RBM33: variants seen among roughly 807,000 people sequenced by gnomAD.
RBM33 encodes RNA binding motif protein 33.
A neutral mutation model predicts 132.6 loss-of-function variants in RBM33; 28 were observed. The observed-to-expected ratio is 0.21, with a 90% confidence interval of 0.16 to 0.29. The LOEUF is 0.29. RBM33 is among the 10% of genes least tolerant of loss of function. The pLI, the probability that RBM33 is intolerant of heterozygous loss-of-function variation, is 1.00. For missense variants in RBM33, 1,291 were observed against 1,518.5 expected, an observed-to-expected ratio of 0.85 and a Z score of 2.49; for synonymous variants, 634 against 593.0, an observed-to-expected ratio of 1.07 and a Z score of -1.01.
At chr7:155,670,442 C>T (rs1415465553) in intron 2 of RBM33, among the ~76,000 whole-genome samples, 1 of 152,112 alleles carries the variant, frequency 6.6e-6, no homozygotes, top group Non-Finnish European at 1.5e-5. Context: ...TAAATTTATT[C>T]CTTATGTGTA....
chr7:155,661,002 TCTA>T (rs1393896439), intron 1 of RBM33, among the ~76,000 whole-genome samples: 2 of 152,012 alleles, frequency 1.3e-5, no homozygotes, highest in South Asian at 2.1e-4. Flanking sequence ...CTAGTTCACA[TCTA>T]CTACTGAGCC....
intron 3 of RBM33, among the ~76,000 whole-genome samples, chr7:155,678,347 C>T (rs1006022319): frequency 4.6e-5 from 7 of 152,056 alleles, no homozygotes; most frequent in African/African-American, 1.7e-4. Flanking sequence ...CTTACCTTTT[C>T]TCTTTTGTGT....
Position 155,766,505 on chromosome 7 carries a change from C to T in RBM33, c.3225C>T (p.Pro1075=), listed in dbSNP as rs764117762. 1.2e-5 allele frequency: 20 copies of T among 1,613,664 alleles called. No homozygotes were observed. The South Asian group carries it at 1.9e-4, about 15-fold the overall frequency. ...GACGAGGCAGAGGAGTGGCCGGTCCCATGGGCCGGGGGCGCCTGATGCCAA... is the reference window on the plus strand; with the variant it reads ...GACGAGGCAGAGGAGTGGCCGGTCCTATGGGCCGGGGGCGCCTGATGCCAA... The part of the protein sequence containing the change: ...MHGRGRGVAG[P]MGRGRLMPNK... Residue 1075 remains proline (P), a synonymous_variant, in exon 16 of 18, where the codon CCC becomes CCT. Coordinates refer to ENST00000401878, the MANE Select transcript of RBM33 (RefSeq NM_053043.3).
intron 2 of RBM33, among the ~76,000 whole-genome samples, chr7:155,666,139 A>C (rs1029635899): frequency 1.3e-5 from 2 of 152,194 alleles, no homozygotes; most frequent in African/African-American, 4.8e-5. Flanking sequence ...TTCATTATGA[A>C]GGACTGGCTC....
intron 6 of RBM33, among the ~76,000 whole-genome samples, chr7:155,704,570 C>G (rs1264817827): frequency 6.6e-6 from 1 of 152,124 alleles, no homozygotes; most frequent in African/African-American, 2.4e-5. Context: ...GTTGAGAGCT[C>G]TCTTTTCGTC....
chr7:155,729,777 A>G (rs1223003632), intron 9 of RBM33, among the ~76,000 whole-genome samples: 4 of 151,888 alleles, frequency 2.6e-5, no homozygotes, highest in Non-Finnish European at 5.9e-5. Context: ...TCATACATGT[A>G]AGAACTCAGT....
chr7:155,699,237 A>G (rs1799887543), intron 5 of RBM33, among the ~76,000 whole-genome samples: 1 of 151,994 alleles, frequency 6.6e-6, no homozygotes, highest in Non-Finnish European at 1.5e-5. Flanking sequence ...TGGACTTGCT[A>G]CTCTACTCAG....
In RBM33 at chr7:155,739,932, T is replaced by G. The variant is rs1418223890; in HGVS notation, c.1955T>G (p.Met652Arg). The G allele has an allele frequency of 1.3e-6, 2 of 1,551,904 alleles. No homozygotes were observed. Among genetic ancestry groups the G allele is most frequent in the Non-Finnish European group, 1.7e-6 (2 of 1,147,582 alleles). The change falls in exon 12 of 18, where the codon ATG (methionine) becomes AGG (arginine). Residue 652 changes from methionine to arginine, a missense_variant. Met to Arg is a moderately conservative substitution (Grantham distance 91). Coordinates refer to ENST00000401878, the MANE Select transcript of RBM33 (RefSeq NM_053043.3). ...GTCCCGCCCCCTCCTTTGATGCCGA[T>G]GTCTCAGCCACAGTTCCGGCCTCAC... ...LSVPPPPLMP[M>R]SQPQFRPHVQ...
chr7:155,744,869 C>T (rs1425699481), intron 13 of RBM33, 92 bp from the exon 14 acceptor site: 1 of 1,231,986 alleles, frequency 8.1e-7, no homozygotes, highest in Non-Finnish European at 1.1e-6. Context: ...AATTAAAGGA[C>T]TTGTGGTAAA....
At position 155,693,120 on chromosome 7, in the gene RBM33, T is replaced by G. The variant is rs188816208; in HGVS notation, c.568-7653T>G. 1.1e-4 allele frequency among the ~76,000 whole-genome samples: 16 copies of G among 152,336 alleles called. No homozygotes were observed. In the East Asian group the frequency reaches 1.4e-3, roughly 13 times the overall value. On this transcript the variant is annotated intron_variant, in intron 5 of 17. Coordinates refer to ENST00000401878, the MANE Select transcript of RBM33 (RefSeq NM_053043.3). ...TCTATGTAGTTACAGATGGAAATGG[T>G]AATAATGATTACTACTAAATGGTGG...
At chr7:155,757,560 T>C (rs1282479001) in intron 14 of RBM33, among the ~76,000 whole-genome samples, 1 of 152,136 alleles carries the variant, frequency 6.6e-6, no homozygotes, top group Non-Finnish European at 1.5e-5. Context: ...TGTAAACTCC[T>C]CCCCTGGTTT....
At chr7:155,710,909 T>A (rs1178064171) in intron 7 of RBM33, among the ~76,000 whole-genome samples, 2 of 9,558 alleles carry the variant, frequency 2.1e-4, no homozygotes, top group Non-Finnish European at 6.1e-4. Context: ...CTGAACTGAA[T>A]TTTTTTTTTT....
chr7:155,752,329 A>G (rs1262236789), intron 14 of RBM33, among the ~76,000 whole-genome samples: 1 of 152,168 alleles, frequency 6.6e-6, no homozygotes, highest in Non-Finnish European at 1.5e-5. Context: ...GTGAGTTGCA[A>G]AGAAAGGAAA....
intron 5 of RBM33, among the ~76,000 whole-genome samples, chr7:155,700,504 A>ATG (rs968832526): frequency 7.0e-5 from 10 of 142,830 alleles, no homozygotes; most frequent in Admixed American, 5.5e-4. Context: ...AGCAGCAATG[A>ATG]TGTGTAGGAC....
intron 3 of RBM33, 50 bp downstream of exon 3, chr7:155,672,965 C>G (rs1798986044): frequency 1.6e-6 from 2 of 1,281,092 alleles, no homozygotes; most frequent in South Asian, 2.7e-5. Flanking sequence ...TTTAATTATA[C>G]TTAACATACA....
intron 9 of RBM33, among the ~76,000 whole-genome samples, chr7:155,721,566 CT>C (rs1307788094): frequency 2.6e-5 from 4 of 152,048 alleles, no homozygotes; most frequent in African/African-American, 9.7e-5. Context: ...AAAAGTACCA[CT>C]AGATTTCCAA....
At chr7:155,734,142 G>C (rs959097378) in intron 9 of RBM33, among the ~76,000 whole-genome samples, 2 of 152,248 alleles carry the variant, frequency 1.3e-5, no homozygotes, top group East Asian at 1.9e-4. Context: ...AACATCGACA[G>C]ACCCACTCTT....
At chr7:155,772,646 T>A (rs572452837) in intron 16 of RBM33, among the ~76,000 whole-genome samples, 12 of 152,360 alleles carry the variant, frequency 7.9e-5, no homozygotes, top group African/African-American at 2.9e-4. Flanking sequence ...ATTCATTTTT[T>A]ATTTCAGAAA....
Position 155,741,953 on chromosome 7 carries a change from C to CACG in RBM33, c.2185_2187dup (p.Thr729dup), listed in dbSNP as rs762840733. ...AAATGAGCAGCAGCCGCTGCTCTGC[C>CACG]ACGCCCTCAGCACAAGTGAAACCTA... On this transcript the variant is annotated inframe_insertion, in exon 13 of 18. Coordinates refer to ENST00000401878, the MANE Select transcript of RBM33 (RefSeq NM_053043.3). 8.1e-6 allele frequency: 13 copies of CACG among 1,613,938 alleles called. No homozygotes were observed. The South Asian group carries it at 1.3e-4, about 16-fold the overall frequency.
Sources: allele counts gnomAD v4.1 joint callset (sites outside exome capture counted in the v4.1 genomes callset), GRCh38; gene constraint gnomAD v4.1.1; transcripts MANE v1.5; gene names NCBI Gene and HGNC (gene_info 2026-07-23, HGNC 2026-07-21).